The following FHIT variants were observed in gnomAD, a reference collection of about 807,000 sequenced individuals.
The protein encoded by FHIT is bis(5'-adenosyl)-triphosphatase.
FHIT carries 19 observed loss-of-function variants against 17.9 expected under a neutral mutation model. The ratio of observed to expected loss-of-function variants is 1.06; its 90% CI spans 0.74 to 1.56. FHIT has a LOEUF of 1.56. Ranked by LOEUF, FHIT falls within the 40% of genes most tolerant of loss-of-function variation. The probability of loss-of-function intolerance (pLI) is 0.00; values close to 1 mark genes in which losing one functional copy is unlikely to be tolerated. For missense variants in FHIT, 248 were observed against 189.2 expected (o/e 1.31, Z -1.82); for synonymous variants, 81 against 69.7 (o/e 1.16, Z -0.81).
At chr3:60,552,118 C>G (rs1460653373) in intron 4 of FHIT, among the ~76,000 whole-genome samples, 1 of 152,106 alleles carries the variant, frequency 6.6e-6, no homozygotes, top group Admixed American at 6.5e-5. Flanking sequence ...GCTTATTTCA[C>G]TTAGCATGTG....
chr3:59,753,467 C>A (rs1212674248), intron 8 of FHIT, among the ~76,000 whole-genome samples: 2 of 152,066 alleles, frequency 1.3e-5, no homozygotes, highest in Non-Finnish European at 2.9e-5. Context: ...TAGAAATGCT[C>A]AATTTTCTCC....
intron 5 of FHIT, among the ~76,000 whole-genome samples, chr3:60,502,394 A>G (rs2034559510): frequency 6.6e-6 from 1 of 152,228 alleles, no homozygotes; most frequent in Non-Finnish European, 1.5e-5. Context: ...TGCACGGCAC[A>G]GCATTCTCTT....
At chr3:60,551,893 T>C (rs1273134951) in intron 4 of FHIT, among the ~76,000 whole-genome samples, 1 of 151,998 alleles carries the variant, frequency 6.6e-6, no homozygotes, top group Non-Finnish European at 1.5e-5. Context: ...TTGATGGTTT[T>C]CAGTATGTGT....
chr3:59,898,608 C>A (rs886288225), intron 8 of FHIT, among the ~76,000 whole-genome samples: 5 of 152,094 alleles, frequency 3.3e-5, no homozygotes, highest in African/African-American at 1.2e-4. Context: ...GCAGCTGCAT[C>A]ATTTAGATAA....
At position 59,874,302 on chromosome 3, in the gene FHIT, C is replaced by T. The variant is rs562110496; in HGVS notation, c.348+48044G>A. Among the ~76,000 whole-genome samples the T allele has an allele frequency of 7.9e-5, 12 of 152,252 alleles. No individual in the cohort carries two copies. The South Asian group carries it at 1.2e-3, about 16-fold the overall frequency. On this transcript the variant is annotated intron_variant, in intron 8 of 9. Transcript: ENST00000492590. ...ATGCAAAGGGCTCATGCTGTATTCA[C>T]GAAATGCCAAGACACCTGGTTAAAA...
At chr3:59,791,725 C>T (rs1053351812) in intron 8 of FHIT, among the ~76,000 whole-genome samples, 7 of 152,030 alleles carry the variant, frequency 4.6e-5, no homozygotes, top group East Asian at 1.9e-4. Context: ...ATTAAAAAAA[C>T]GGTGCAATTC....
At chr3:60,258,797 T>A (rs1425914291) in intron 5 of FHIT, among the ~76,000 whole-genome samples, 3 of 152,030 alleles carry the variant, frequency 2.0e-5, no homozygotes, top group Non-Finnish European at 4.4e-5. Flanking sequence ...TATTATTGGA[T>A]GAAAAAATAT....
At chr3:60,720,361 C>T (rs1212197438) in intron 4 of FHIT, among the ~76,000 whole-genome samples, 1 of 152,102 alleles carries the variant, frequency 6.6e-6, no homozygotes, top group Admixed American at 6.5e-5. Flanking sequence ...GTTGCCTGTG[C>T]CCCATAAATA....
At position 60,910,814 on chromosome 3, in the gene FHIT, C is replaced by T. The variant is rs561384943; in HGVS notation, c.-110-88803G>A. On this transcript the variant is annotated intron_variant, in intron 3 of 9. Coordinates refer to ENST00000492590, the MANE Select transcript of FHIT (RefSeq NM_002012.4). ...TTTGGGCCACAAAATCCTAGATTCA[C>T]CCCTGGGAGAGACAGTTGTGAAGAT... is the stretch of plus-strand genomic sequence containing the variant. Among the ~76,000 whole-genome samples, 93 of 152,278 alleles carry T rather than the reference C, an allele frequency of 6.1e-4. 2 individuals carry two copies. The highest frequency in any genetic ancestry group is 3.5e-3 in the South Asian group (17 of 4,818).
At chr3:61,247,171 A>T (rs1319049845) in intron 1 of FHIT, among the ~76,000 whole-genome samples, 3 of 152,126 alleles carry the variant, frequency 2.0e-5, no homozygotes, top group Non-Finnish European at 4.4e-5. Context: ...CTGAATAAAA[A>T]TATGTTTAGG....
chr3:60,542,921 T>C (rs1047053699), intron 4 of FHIT, among the ~76,000 whole-genome samples: 29 of 152,220 alleles, frequency 1.9e-4, no homozygotes, highest in Non-Finnish European at 4.1e-4. Flanking sequence ...CTTGGAACTT[T>C]GTTTATAGTA....
At chr3:60,619,214 C>G (rs2856041) in intron 4 of FHIT, among the ~76,000 whole-genome samples, 72,179 of 151,946 alleles carry the variant, frequency 0.48, 17,339 homozygotes, top group East Asian at 0.56. Context: ...ATCTACTGTT[C>G]TAGAATCACT....
chr3:61,149,979 C>A (rs1317229183), intron 2 of FHIT, among the ~76,000 whole-genome samples: 2 of 152,190 alleles, frequency 1.3e-5, no homozygotes, highest in Non-Finnish European at 2.9e-5. Flanking sequence ...AGTCAAGTGT[C>A]ACCTCCAACC....
intron 5 of FHIT, among the ~76,000 whole-genome samples, chr3:60,141,824 A>G (rs2107302243): frequency 6.6e-6 from 1 of 152,352 alleles, no homozygotes; most frequent in East Asian, 1.9e-4. Flanking sequence ...CATCATAAAT[A>G]CAAGGACAGT....
At chr3:60,041,950 T>G (rs1287792143) in intron 5 of FHIT, among the ~76,000 whole-genome samples, 1 of 152,252 alleles carries the variant, frequency 6.6e-6, no homozygotes, top group East Asian at 1.9e-4. Context: ...TTTGTTTAGC[T>G]TTTTGGAAAA....
At chr3:60,120,667 A>T (rs978742086) in intron 5 of FHIT, among the ~76,000 whole-genome samples, 1 of 152,068 alleles carries the variant, frequency 6.6e-6, no homozygotes, top group Admixed American at 6.5e-5. Context: ...TGAACAGCCT[A>T]TTTTAAAATA....
intron 2 of FHIT, among the ~76,000 whole-genome samples, chr3:61,105,876 C>T (rs545599398): frequency 5.9e-5 from 9 of 152,338 alleles, no homozygotes; most frequent in African/African-American, 1.9e-4. Context: ...CCTCCAGCAA[C>T]TGTTGCATTT....
intron 3 of FHIT, among the ~76,000 whole-genome samples, chr3:60,857,837 A>G (rs1454657977): frequency 6.6e-6 from 1 of 152,158 alleles, no homozygotes; most frequent in Non-Finnish European, 1.5e-5. Flanking sequence ...CTGAGGCAGG[A>G]GGATCAACTG....
chr3:60,836,795 T>C (rs1459110982), intron 3 of FHIT, among the ~76,000 whole-genome samples: 1 of 152,010 alleles, frequency 6.6e-6, no homozygotes, highest in African/African-American at 2.4e-5. Flanking sequence ...AAGGCAGGGG[T>C]TTAAAAAGGG....
Sources: gnomAD v4.1 joint callset for allele counts (sites outside exome capture counted in the v4.1 genomes callset) on GRCh38, gnomAD v4.1.1 for gene constraint, MANE v1.5 for transcripts, NCBI Gene and HGNC (gene_info 2026-07-23, HGNC 2026-07-21) for gene names.